SPAG16: variants seen among roughly 807,000 people sequenced by gnomAD.
SPAG16 encodes the protein sperm associated antigen 16, also known as sperm-associated antigen 16 protein.
A neutral mutation model predicts 80.4 loss-of-function variants in SPAG16; 86 were observed. The ratio of observed to expected loss-of-function variants is 1.07; its 90% confidence interval spans 0.90 to 1.28. The LOEUF (loss-of-function observed/expected upper bound fraction) is 1.28, where lower values mean the gene tolerates loss of function less well. Among genes scored for constraint, SPAG16 ranks in the 50% most tolerant of loss-of-function variants. The probability of loss-of-function intolerance (pLI) is 0.00; values close to 1 mark genes in which losing one functional copy is unlikely to be tolerated. For synonymous variants in SPAG16, 294 were observed against 265.9 expected (o/e 1.11, Z -1.03); for missense variants, 870 against 765.3 (o/e 1.14, Z -1.61).
chr2:213,455,602 G>A (rs1223002011), intron 9 of SPAG16, among the ~76,000 whole-genome samples: 1 of 152,132 alleles, frequency 6.6e-6, no homozygotes, highest in Non-Finnish European at 1.5e-5. Flanking sequence ...TGAGGGCAGG[G>A]GTTTAGTTTG....
intron 15 of SPAG16, among the ~76,000 whole-genome samples, chr2:214,151,683 T>C (rs923764035): frequency 6.6e-6 from 1 of 152,122 alleles, no homozygotes; most frequent in Non-Finnish European, 1.5e-5. Context: ...AACCATTTTT[T>C]CTAGTCAAAA....
chr2:213,322,163 ATATT>A (rs1301026850), intron 5 of SPAG16, among the ~76,000 whole-genome samples: 1 of 151,532 alleles, frequency 6.6e-6, no homozygotes, highest in Non-Finnish European at 1.5e-5. Context: ...TTTAGACACT[ATATT>A]CATTCATAAA....
At chr2:214,037,915 A>C (rs939592533) in intron 13 of SPAG16, among the ~76,000 whole-genome samples, 1 of 78,642 alleles carries the variant, frequency 1.3e-5, no homozygotes, top group African/African-American at 4.7e-5. Flanking sequence ...GTGTGTGTGT[A>C]TCCAAGTCTT....
At chr2:213,705,216 C>T (rs1207516447) in intron 10 of SPAG16, among the ~76,000 whole-genome samples, 1 of 151,766 alleles carries the variant, frequency 6.6e-6, no homozygotes, top group African/African-American at 2.4e-5. Flanking sequence ...CCACTGCGCT[C>T]CAGCCTGGGC....
At chr2:213,460,046 T>C (rs2072270890) in intron 9 of SPAG16, among the ~76,000 whole-genome samples, 1 of 152,222 alleles carries the variant, frequency 6.6e-6, no homozygotes, top group Admixed American at 6.5e-5. Context: ...GTCCCTCCAC[T>C]GTATGTGAAA....
chr2:213,836,344 A>G (rs2074079776), intron 10 of SPAG16, among the ~76,000 whole-genome samples: 1 of 152,178 alleles, frequency 6.6e-6, no homozygotes, highest in Non-Finnish European at 1.5e-5. Flanking sequence ...CATGAGAAAT[A>G]TGCTTTAGTG....
rs1269480899 is a variant in SPAG16, at chr2:213,937,635, G to A, written c.1400+7490G>A. On this transcript the variant is annotated intron_variant, in intron 12 of 15. Transcript: ENST00000331683. Reference sequence around the variant, plus strand: ...AAAAAAGTGAAGAAAACAGAATATAGCATGTATTTTTTTATTTTCCTTTCC... The same window carrying A: ...AAAAAAGTGAAGAAAACAGAATATAACATGTATTTTTTTATTTTCCTTTCC... Among the ~76,000 whole-genome samples, 4 of 151,842 alleles carry A rather than the reference G, an allele frequency of 2.6e-5. No homozygotes were observed. In the East Asian group the frequency reaches 7.7e-4, roughly 29 times the overall value.
At chr2:213,622,022 C>T (rs2061806112) in intron 10 of SPAG16, among the ~76,000 whole-genome samples, 1 of 152,116 alleles carries the variant, frequency 6.6e-6, no homozygotes, top group Non-Finnish European at 1.5e-5. Context: ...GGAGCCCAGT[C>T]TCTCATGCCT....
At chr2:213,710,787 G>A (rs1394401534) in intron 10 of SPAG16, among the ~76,000 whole-genome samples, 2 of 152,118 alleles carry the variant, frequency 1.3e-5, no homozygotes, top group Non-Finnish European at 2.9e-5. Context: ...TACTGGTATC[G>A]AAGTAACTTA....
intron 13 of SPAG16, among the ~76,000 whole-genome samples, chr2:214,099,876 G>C (rs2052881508): frequency 6.6e-6 from 1 of 152,068 alleles, no homozygotes; most frequent in Admixed American, 6.6e-5. Context: ...CAATTACACA[G>C]ATATATACAC....
At chr2:213,286,350 T>C (rs2062056027) in intron 1 of SPAG16, among the ~76,000 whole-genome samples, 1 of 152,160 alleles carries the variant, frequency 6.6e-6, no homozygotes, top group Non-Finnish European at 1.5e-5. Context: ...AACCAGTTTA[T>C]TTTGCTATAT....
intron 15 of SPAG16, among the ~76,000 whole-genome samples, chr2:214,263,039 T>C (rs996531287): frequency 1.3e-5 from 2 of 152,044 alleles, no homozygotes; most frequent in African/African-American, 4.8e-5. Flanking sequence ...AATGCCTCTA[T>C]CACTTCATAG....
chr2:214,097,608 G>T (rs1318053172), intron 13 of SPAG16, among the ~76,000 whole-genome samples: 1 of 151,932 alleles, frequency 6.6e-6, no homozygotes, highest in Admixed American at 6.6e-5. Context: ...AAGGGTGGAG[G>T]TCATGTGGTT....
chr2:213,383,494 G>A (rs890977322), intron 9 of SPAG16, among the ~76,000 whole-genome samples: 1 of 152,212 alleles, frequency 6.6e-6, no homozygotes, highest in African/African-American at 2.4e-5. Flanking sequence ...TGTATATTAA[G>A]ATTATATGAA....
chr2:213,929,887 C>A (rs2078671131), intron 11 of SPAG16, 73 bp from the exon 12 acceptor site: 3 of 1,319,662 alleles, frequency 2.3e-6, no homozygotes, highest in Non-Finnish European at 3.2e-6. Flanking sequence ...ACACAAATTA[C>A]TCATAGAATG....
intron 15 of SPAG16, among the ~76,000 whole-genome samples, chr2:214,388,660 C>A (rs1700895442): frequency 6.6e-6 from 1 of 152,118 alleles, no homozygotes; most frequent in African/African-American, 2.4e-5. Flanking sequence ...ATTATTACAG[C>A]AATAATGCAC....
chr2:214,012,284 A>ATTTTT (rs1483720818), intron 12 of SPAG16, among the ~76,000 whole-genome samples: 666 of 54,492 alleles, frequency 0.012, 24 homozygotes, highest in African/African-American at 0.02. Flanking sequence ...ATATATATAT[A>ATTTTT]TATATTTTTT....
intron 15 of SPAG16, among the ~76,000 whole-genome samples, chr2:214,212,598 C>G (rs2058324488): frequency 6.6e-6 from 1 of 151,964 alleles, no homozygotes; most frequent in South Asian, 2.1e-4. Context: ...AGTTAGACCC[C>G]CATTGATTGG....
intron 15 of SPAG16, among the ~76,000 whole-genome samples, chr2:214,185,873 T>C (rs1373801817): frequency 7.2e-5 from 11 of 152,142 alleles, no homozygotes; most frequent in Admixed American, 7.2e-4. Flanking sequence ...TTCATCCTGT[T>C]TGTTTCCTTT....
Sources: allele counts gnomAD v4.1 joint callset (sites outside exome capture counted in the v4.1 genomes callset), GRCh38; gene constraint gnomAD v4.1.1; transcripts MANE v1.5; gene names NCBI Gene and HGNC (gene_info 2026-07-23, HGNC 2026-07-21).